The following XPO1 variants were observed in gnomAD, a reference collection of about 807,000 sequenced individuals.
XPO1 encodes exportin-1.
XPO1 carries 5 observed loss-of-function variants against 133.3 expected under a neutral mutation model. That is an observed-to-expected ratio of 0.04 (90% CI 0.02 to 0.08). XPO1 has a LOEUF of 0.08. Among genes scored for constraint, XPO1 ranks in the 10% least tolerant of loss-of-function variants. The pLI is 1.00. For missense variants in XPO1, 506 were observed against 1,267.5 expected, an observed-to-expected ratio of 0.40 and a Z score of 9.12; for synonymous variants, 419 against 408.2, an observed-to-expected ratio of 1.03 and a Z score of -0.32.
intron 2 of XPO1, among the ~76,000 whole-genome samples, chr2:61,530,821 TTA>T (rs762153616): frequency 2.1e-4 from 32 of 152,146 alleles, no homozygotes; most frequent in East Asian, 1.3e-3. Flanking sequence ...AGTGCATATT[TTA>T]TGAGTAGCAA....
At chr2:61,491,940 T>G in intron 16 of XPO1, 95 bp downstream of exon 16, 1 of 1,408,376 alleles carries the variant, frequency 7.1e-7, no homozygotes, top group Non-Finnish European at 9.7e-7. Context: ...ACACTTCTAT[T>G]GGATCCAATA....
At chr2:61,488,855 A>C in intron 17 of XPO1, 84 bp from the exon 18 acceptor site, 1 of 1,461,942 alleles carries the variant, frequency 6.8e-7, no homozygotes, top group Non-Finnish European at 9.4e-7. Context: ...TAATCCCAGC[A>C]CTCTGAGAGG....
chr2:61,522,900 T>C (rs1023914092), intron 3 of XPO1, among the ~76,000 whole-genome samples: 2 of 152,214 alleles, frequency 1.3e-5, no homozygotes, highest in Non-Finnish European at 2.9e-5. Context: ...CTATATAACG[T>C]CCTGCTGTTT....
rs6718661 is a variant in XPO1, at chr2:61,500,044, C to T, written c.409-150G>A. 131 of 766,372 alleles carry T rather than the reference C, an allele frequency of 1.7e-4. No individual in the cohort carries two copies. The African/African-American group carries it at 2.2e-3, about 13-fold the overall frequency. 47.5% of individuals were successfully genotyped at this position (766,372 alleles called of 1,614,324 possible). A position where few individuals can be genotyped will look rare whatever the true frequency, so the allele number is the denominator to read the frequency against. On this transcript the variant is annotated intron_variant, in intron 6 of 24. Coordinates refer to ENST00000401558, the MANE Select transcript of XPO1 (RefSeq NM_003400.4). Reference sequence around the variant, plus strand: ...TTTATTAAAGGAAGAAATGTGCCACCCTCTTCACCCTACTGGGTAGAAAAC... The same window carrying T: ...TTTATTAAAGGAAGAAATGTGCCACTCTCTTCACCCTACTGGGTAGAAAAC...
At chr2:61,515,838 C>G (rs1171878133) in intron 4 of XPO1, among the ~76,000 whole-genome samples, 1 of 149,946 alleles carries the variant, frequency 6.7e-6, no homozygotes, top group Non-Finnish European at 1.5e-5. Context: ...AATCCCAGCA[C>G]TTTGGGAGGC....
At chr2:61,532,510 C>T (rs1352513913) in intron 2 of XPO1, among the ~76,000 whole-genome samples, 2 of 151,730 alleles carry the variant, frequency 1.3e-5, no homozygotes, top group Non-Finnish European at 2.9e-5. Flanking sequence ...ATTTATCTAA[C>T]CAGAAATCTA....
chr2:61,518,410 AAAACAAAACACACACACACACACACACAC>A (rs766552599), intron 4 of XPO1, among the ~76,000 whole-genome samples: 2,620 of 144,942 alleles, frequency 0.018, 126 homozygotes, highest in African/African-American at 0.064. Flanking sequence ...CAAAAAACAA[AAAACAAAACACACACACACACACACACAC>A]ACACACACAC....
intron 4 of XPO1, among the ~76,000 whole-genome samples, chr2:61,506,597 T>TAAAAAAAAAA (rs1697827797): frequency 5.7e-5 from 1 of 17,442 alleles, no homozygotes; most frequent in African/African-American, 3.0e-4. Flanking sequence ...AGATTCCGTC[T>TAAAAAAAAAA]CAAAAAAAAA....
rs780880103 is a variant in XPO1 at position 61,483,094 on chromosome 2, A to G, written c.2678-3T>C. ...GAGTGTAAAAAGTATCTGTAAGCCTAAAAGACATAGAATACCAATGGAAAG... is the reference window on the plus strand; with the variant it reads ...GAGTGTAAAAAGTATCTGTAAGCCTGAAAGACATAGAATACCAATGGAAAG... On this transcript the variant is annotated splice_polypyrimidine_tract_variant and splice_region_variant and intron_variant, in intron 21 of 24. Transcript: ENST00000401558. 2 of 1,608,440 alleles carry G rather than the reference A, an allele frequency of 1.2e-6. No homozygotes were observed. The highest frequency in any genetic ancestry group is 1.1e-5 in the South Asian group (1 of 90,750).
chr2:61,477,857 T>C lies in XPO1; in HGVS notation c.*963A>G. 1 of 194,884 alleles carries C rather than the reference T, an allele frequency of 5.1e-6. No individual in the cohort carries two copies. Among genetic ancestry groups the C allele is most frequent in the South Asian group, 1.9e-4 (1 of 5,198 alleles). The allele number at this position is 194,884 out of a possible 1,614,324, so 12.1% of individuals were successfully genotyped here. A position where few individuals can be genotyped will look rare whatever the true frequency, so the allele number is the denominator to read the frequency against. Reference sequence around the variant, plus strand: ...TGTAAATCAAGGGGTCCAACTTCATTTAAAATGTTACTTGATGCTTAAACA... The same window carrying C: ...TGTAAATCAAGGGGTCCAACTTCATCTAAAATGTTACTTGATGCTTAAACA... On this transcript the variant is annotated 3_prime_UTR_variant, in exon 25 of 25. Transcript: ENST00000401558.
Position 61,494,111 on chromosome 2 carries a change from T to C in XPO1, c.1048-20A>G. 1 of 1,596,588 alleles carries C rather than the reference T, an allele frequency of 6.3e-7. No individual in the cohort carries two copies. ...AAGGGCCTACACAGAAGACCAAAAC[T>C]GTTAAAATAATTCTTAAACATTACC... On this transcript the variant is annotated intron_variant, in intron 11 of 24. Coordinates refer to ENST00000401558, the MANE Select transcript of XPO1 (RefSeq NM_003400.4).
chr2:61,528,331 T>C (rs1412026208), intron 2 of XPO1, among the ~76,000 whole-genome samples: 1 of 152,114 alleles, frequency 6.6e-6, no homozygotes, highest in African/African-American at 2.4e-5. Context: ...TTTATGTTAA[T>C]AGTATACTTA....
intron 4 of XPO1, among the ~76,000 whole-genome samples, chr2:61,520,678 A>T (rs895013357): frequency 9.8e-5 from 15 of 152,298 alleles, no homozygotes; most frequent in Non-Finnish European, 2.1e-4. Context: ...AAAATTTTTT[A>T]AATTAATTTT....
In XPO1 at chr2:61,483,790, A is replaced by G. The variant is rs1423623235; in HGVS notation, c.2677+147T>C. 33 of 891,038 alleles carry G rather than the reference A, an allele frequency of 3.7e-5. No homozygotes were observed. In the East Asian group the frequency reaches 9.0e-4, roughly 24 times the overall value. The allele number at this position is 891,038 out of a possible 1,614,324, so 55.2% of individuals were successfully genotyped here. A position where few individuals can be genotyped will look rare whatever the true frequency, so the allele number is the denominator to read the frequency against. On this transcript the variant is annotated intron_variant, in intron 21 of 24. Transcript: ENST00000401558. ...TTGGAGTGGAGTGGAACAGTTGATT[A>G]AACTGCTTATAGGATTTTCTCAGAT...
intron 1 of XPO1, among the ~76,000 whole-genome samples, chr2:61,535,019 A>G (rs141219910): frequency 6.8e-4 from 103 of 152,364 alleles, no homozygotes; most frequent in African/African-American, 2.2e-3. Context: ...CCATTCCCAA[A>G]TAAAAAAGAA....
chr2:61,500,598 A>AAAAAG, intron 6 of XPO1, among the ~76,000 whole-genome samples: 1 of 149,652 alleles, frequency 6.7e-6, no homozygotes, highest in South Asian at 2.1e-4. Context: ...AAAAAAAAAA[A>AAAAAG]GAGCAGCCTG....
rs1194061733 is a variant in XPO1 at position 61,493,031 on chromosome 2, C to T, written c.1268G>A (p.Arg423Gln). 1.9e-6 allele frequency: 3 copies of T among 1,601,140 alleles called. No homozygotes were observed. Among genetic ancestry groups the T allele is most frequent in the Non-Finnish European group, 2.5e-6 (3 of 1,177,236 alleles). ...CAATACTTCCTCTGGTTTAGCCATT[C>T]GACTAACCATTAATAAACGGACCTA... ...LFKVRLLMVS[R>Q]MAKPEEVLVV... is the part of the protein sequence containing the mutation. Residue 423 changes from arginine (R) to glutamine (Q), a missense_variant, in exon 13 of 25, where the codon CGA becomes CAA. By Grantham distance (43) the Arg-to-Gln change is conservative (BLOSUM62 1). This residue lies in a region of XPO1 where 134 missense variants were observed against 261.6 expected (regional missense o/e 0.51). Coordinates refer to ENST00000401558, the MANE Select transcript of XPO1 (RefSeq NM_003400.4).
At chr2:61,498,979 A>G (rs1190963393) in intron 7 of XPO1, 66 bp from the exon 8 acceptor site, 2 of 1,474,648 alleles carry the variant, frequency 1.4e-6, no homozygotes, top group Non-Finnish European at 1.8e-6. Context: ...AGTTATCTAT[A>G]ATACTAATAA....
chr2:61,523,090 G>A (rs146555763), intron 3 of XPO1, among the ~76,000 whole-genome samples: 5 of 152,276 alleles, frequency 3.3e-5, no homozygotes, highest in South Asian at 4.1e-4. Flanking sequence ...ATGCTATCAA[G>A]CTTCCTACCA....
Sources: gnomAD v4.1 joint callset for allele counts (sites outside exome capture counted in the v4.1 genomes callset) on GRCh38, gnomAD v4.1.1 for gene constraint, gnomAD v4.1.1 regional missense constraint, MANE v1.5 for transcripts, NCBI Gene and HGNC (gene_info 2026-07-23, HGNC 2026-07-21) for gene names.